ADPRHL1: variants seen among roughly 807,000 people sequenced by gnomAD.
The protein encoded by ADPRHL1 is inactive ADP-ribosyltransferase ARH2.
A neutral mutation model predicts 44.1 loss-of-function variants in ADPRHL1; 43 were observed. The ratio of observed to expected loss-of-function variants is 0.98; its 90% confidence interval spans 0.76 to 1.26. The LOEUF (loss-of-function observed/expected upper bound fraction) is 1.26, where lower values mean the gene tolerates loss of function less well. Among genes scored for constraint, ADPRHL1 ranks in the 50% most tolerant of loss-of-function variants. The probability of loss-of-function intolerance (pLI) is 0.00; values close to 1 mark genes in which losing one functional copy is unlikely to be tolerated. For synonymous variants in ADPRHL1, 878 were observed against 1,017.4 expected, an observed-to-expected ratio of 0.86 and a Z score of 2.61; for missense variants, 2,022 against 2,496.9, an observed-to-expected ratio of 0.81 and a Z score of 4.05.
At position 113,406,349 on chromosome 13, in the gene ADPRHL1, C is replaced by T; in HGVS notation, c.2933G>A (p.Arg978Lys). The T allele has an allele frequency of 8.1e-7, 1 of 1,232,110 alleles. No homozygotes were observed. The highest frequency in any genetic ancestry group is 1.0e-6 in the Non-Finnish European group (1 of 987,982). The allele number at this position is 1,232,110 out of a possible 1,614,324, so 76.3% of individuals were successfully genotyped here. A position where few individuals can be genotyped will look rare whatever the true frequency, so the allele number is the denominator to read the frequency against. ...PRNPDDISGE[R>K]TSELRDVKHP... ...CTTCACATCTCTGAGCTCAGAGGTC[C>T]TCTCTCCTGAAATATCGTCAGGATT... The change falls in exon 8 of 8, where the codon AGG (arginine) becomes AAG (lysine). Residue 978 changes from arginine (R) to lysine (K), a missense_variant. Physicochemically the swap from Arg to Lys is conservative, Grantham distance 26. Transcript: ENST00000612156.
chr13:113,412,410 C>G (rs1204280346), intron 7 of ADPRHL1, among the ~76,000 whole-genome samples: 3 of 152,214 alleles, frequency 2.0e-5, no homozygotes, highest in Non-Finnish European at 4.4e-5. Flanking sequence ...GATCTCCTGA[C>G]CTCGTGATCC....
chr13:113,448,964 G>T, intron 1 of ADPRHL1: 1 of 985,688 alleles, frequency 1.0e-6, no homozygotes, highest in Non-Finnish European at 1.2e-6. Flanking sequence ...CTCTGTGCGA[G>T]GCCGCCCCTC....
At chr13:113,415,770 A>AAG (rs1555325969) in intron 7 of ADPRHL1, among the ~76,000 whole-genome samples, 1,423 of 132,420 alleles carry the variant, frequency 0.011, 30 homozygotes, top group Middle Eastern at 0.016. Flanking sequence ...AAAAAAAAAA[A>AAG]AGAGAGAGAG....
chr13:113,419,064 T>TCCCTCCC (rs1413574035), intron 7 of ADPRHL1, among the ~76,000 whole-genome samples: 6 of 16,650 alleles, frequency 3.6e-4, no homozygotes, highest in African/African-American at 7.8e-4. Flanking sequence ...TTCTCCTTCC[T>TCCCTCCC]TCACTCCCTC....
At chr13:113,452,693 T>G (rs777843498) in intron 1 of ADPRHL1, among the ~76,000 whole-genome samples, 2 of 152,262 alleles carry the variant, frequency 1.3e-5, no homozygotes, top group Non-Finnish European at 2.9e-5. Flanking sequence ...CTCTCCAAGC[T>G]GAACCATTTT....
rs2139618773 is a variant in ADPRHL1, at chr13:113,424,236, G to A, written c.888C>T (p.His296=). ...AAGNSWTELC[H]RAMFHGGESA... The stretch of plus-strand genomic sequence containing the variant: ...TCTCACCTCCATGAAACATGGCCCG[G>A]TGACACAGCTCAGTCCAGCTGTTTC... Residue 296 remains histidine, a synonymous_variant, in exon 6 of 8, where the codon CAC becomes CAT. Transcript: ENST00000612156. 1 of 1,612,862 alleles carries A rather than the reference G, an allele frequency of 6.2e-7. No individual in the cohort carries two copies. Among genetic ancestry groups the A allele is most frequent in the Non-Finnish European group, 8.5e-7 (1 of 1,179,856 alleles).
Position 113,402,153 on chromosome 13 carries a change from G to A in ADPRHL1, c.*1225C>T, listed in dbSNP as rs7999901. 23,613 of 152,250 alleles carry A rather than the reference G, an allele frequency of 0.16. 2,539 individuals are homozygous for A. The highest frequency in any genetic ancestry group is 0.3 in the African/African-American group (12,614 of 41,502). 9.4% of individuals were successfully genotyped at this position (152,250 alleles called of 1,614,324 possible). ...GGGCTGTAGGGCGACAGGCTGCATC[G>A]GTTCACGCTGAAAATCCAGCTGCTC... On this transcript the variant is annotated 3_prime_UTR_variant, in exon 8 of 8. Coordinates refer to ENST00000612156, the MANE Select transcript of ADPRHL1 (RefSeq NM_001394807.1).
In ADPRHL1 at chr13:113,408,150, T is replaced by C; in HGVS notation, c.1132A>G (p.Lys378Glu). The C allele has an allele frequency of 8.1e-7, 1 of 1,232,044 alleles. No individual in the cohort carries two copies. The highest frequency in any genetic ancestry group is 1.0e-6 in the Non-Finnish European group (1 of 987,982). The allele number at this position is 1,232,044 out of a possible 1,614,324, so 76.3% of individuals were successfully genotyped here. A position where few individuals can be genotyped will look rare whatever the true frequency, so the allele number is the denominator to read the frequency against. Residue 378 changes from lysine to glutamate, a missense_variant, in exon 8 of 8, where the codon AAG becomes GAG. This residue lies in a region of ADPRHL1 where 1,221 missense variants were observed against 1,517.8 expected (regional missense o/e 0.80). Coordinates refer to ENST00000612156, the MANE Select transcript of ADPRHL1 (RefSeq NM_001394807.1). ...TGGGCGGCCGGGTCACAGGCCAGCT[T>C]GCCCATCTTCTTCTTCAGGGTTTGG... ...DAQTLKKKMG[K>E]LACDPAAHSI... is the part of the protein sequence containing the mutation.
chr13:113,405,667 A>AT lies in ADPRHL1; in HGVS notation c.3614_3615insA (p.Ala1206CysfsTer62). On this transcript the variant is annotated frameshift_variant, in exon 8 of 8. Coordinates refer to ENST00000612156, the MANE Select transcript of ADPRHL1 (RefSeq NM_001394807.1). LOFTEE classifies it low-confidence loss of function (END_TRUNC). Reference sequence around the variant, plus strand: ...CCTCCGGGTGGCGGGCGAGGGTCGCAATGTCCTCTGGGTGCTGGACGAGGG... The same window carrying AT: ...CCTCCGGGTGGCGGGCGAGGGTCGCATATGTCCTCTGGGTGCTGGACGAGGG... 8.1e-7 allele frequency: 1 copy of AT among 1,232,846 alleles called. No individual in the cohort carries two copies. Among genetic ancestry groups the AT allele is most frequent in the South Asian group, 4.1e-5 (1 of 24,358 alleles). The allele number at this position is 1,232,846 out of a possible 1,614,324, so 76.4% of individuals were successfully genotyped here.
intron 4 of ADPRHL1, among the ~76,000 whole-genome samples, chr13:113,427,455 C>T (rs2043975384): frequency 6.6e-6 from 1 of 152,240 alleles, no homozygotes. Context: ...CCTCGAACTC[C>T]TGACCTCAGG....
chr13:113,408,070 C>T lies in ADPRHL1; in HGVS notation c.1212G>A (p.Pro404=), dbSNP rs553441240. 31 of 1,232,034 alleles carry T rather than the reference C, an allele frequency of 2.5e-5. No individual in the cohort carries two copies. The highest frequency in any genetic ancestry group is 7.7e-5 in the African/African-American group (5 of 64,550). 76.3% of individuals were successfully genotyped at this position (1,232,034 alleles called of 1,614,324 possible). The change falls in exon 8 of 8, where the codon CCG becomes CCA. Residue 404 remains proline (P), a synonymous_variant. Coordinates refer to ENST00000612156, the MANE Select transcript of ADPRHL1 (RefSeq NM_001394807.1). ...LYVTGRADRP[P]GTEAGGSRPS... is the part of the protein sequence containing the mutation. Reference sequence around the variant, plus strand: ...GCCTGCTCCCCCCGGCCTCTGTCCCCGGGGGCCGGTCTGCGCGGCCCGTGA... The same window carrying T: ...GCCTGCTCCCCCCGGCCTCTGTCCCTGGGGGCCGGTCTGCGCGGCCCGTGA...
chr13:113,437,155 C>T (rs1286912583), intron 2 of ADPRHL1, among the ~76,000 whole-genome samples: 1 of 146,898 alleles, frequency 6.8e-6, no homozygotes, highest in Non-Finnish European at 1.5e-5. Context: ...ACCCCGGGAC[C>T]CAGCACCCAC....
chr13:113,405,794 T>C lies in ADPRHL1; in HGVS notation c.3488A>G (p.Glu1163Gly). The change falls in exon 8 of 8, where the codon GAG becomes GGG. Residue 1163 changes from glutamate (E) to glycine (G), a missense_variant. Around this residue, in one of 8 missense-constraint regions of ADPRHL1, gnomAD observed 1,221 missense variants for 1,517.8 expected, o/e 0.80. Transcript: ENST00000612156. ...GCTGTGAGGGTCTCGAGGGAGAGCC[T>C]CTCCTCTGGGGTGGCTTTCGGACAA... Reference protein sequence around the residue: ...RALSESHPRGEALPRDPHSHG... With the variant: ...RALSESHPRGGALPRDPHSHG... 1 of 1,231,740 alleles carries C rather than the reference T, an allele frequency of 8.1e-7. No individual in the cohort carries two copies. The highest frequency in any genetic ancestry group is 1.0e-6 in the Non-Finnish European group (1 of 987,994). 76.3% of individuals were successfully genotyped at this position (1,231,740 alleles called of 1,614,324 possible).
intron 1 of ADPRHL1, chr13:113,449,320 A>C: frequency 3.1e-6 from 2 of 648,280 alleles, no homozygotes; most frequent in Non-Finnish European, 3.8e-6. Flanking sequence ...CCCCGGTCAG[A>C]GAGGCTCACC....
At chr13:113,421,032 C>G (rs1359313200) in intron 7 of ADPRHL1, among the ~76,000 whole-genome samples, 1 of 143,752 alleles carries the variant, frequency 7.0e-6, no homozygotes. Flanking sequence ...ACCCCTACCC[C>G]CCGCCAACAT....
Position 113,404,670 on chromosome 13 carries a change from T to C in ADPRHL1, c.4612A>G (p.Lys1538Glu). 1 of 1,300,160 alleles carries C rather than the reference T, an allele frequency of 7.7e-7. No individual in the cohort carries two copies. 80.5% of individuals were successfully genotyped at this position (1,300,160 alleles called of 1,614,324 possible). The change falls in exon 8 of 8, where the codon AAA becomes GAA. Residue 1538 changes from lysine (K) to glutamate (E), a missense_variant. Lys to Glu is a moderately conservative substitution (Grantham distance 56). Coordinates refer to ENST00000612156, the MANE Select transcript of ADPRHL1 (RefSeq NM_001394807.1). ...TQGHSQGQAQ[K>E]QFQNWAQGQA... ...CCCTGGGCCCAATTCTGAAACTGTTTCTGGGCCTGTCCCTGACTGTGTCCC... is the reference window on the plus strand; with the variant it reads ...CCCTGGGCCCAATTCTGAAACTGTTCCTGGGCCTGTCCCTGACTGTGTCCC...
chr13:113,434,671 C>T (rs540429421), intron 2 of ADPRHL1, among the ~76,000 whole-genome samples: 58 of 138,790 alleles, frequency 4.2e-4, no homozygotes, highest in African/African-American at 1.5e-3. Context: ...AGGTGTACCC[C>T]GGGACCCGGC....
chr13:113,434,594 C>T (rs1340347786), intron 2 of ADPRHL1, among the ~76,000 whole-genome samples: 2 of 144,190 alleles, frequency 1.4e-5, no homozygotes, highest in African/African-American at 5.2e-5. Flanking sequence ...CCCCGGGACC[C>T]GGCACCCAGG....
At position 113,400,268 on chromosome 13, in the gene ADPRHL1, C is replaced by T. The variant is rs1162269463; in HGVS notation, c.*3110G>A. ...TCACGCCATTCTCCTGTCTCAGGCT[C>T]CCGAGTAGCTGGGACTACAGGCACC... On this transcript the variant is annotated 3_prime_UTR_variant, in exon 8 of 8. Coordinates refer to ENST00000612156, the MANE Select transcript of ADPRHL1 (RefSeq NM_001394807.1). 1 of 149,564 alleles carries T rather than the reference C, an allele frequency of 6.7e-6. No homozygotes were observed. The highest frequency in any genetic ancestry group is 2.5e-5 in the African/African-American group (1 of 40,774). The allele number at this position is 149,564 out of a possible 1,614,324, so 9.3% of individuals were successfully genotyped here.
Sources: gnomAD v4.1 joint callset for allele counts (sites outside exome capture counted in the v4.1 genomes callset) on GRCh38, gnomAD v4.1.1 for gene constraint, gnomAD v4.1.1 regional missense constraint, MANE v1.5 for transcripts, NCBI Gene and HGNC (gene_info 2026-07-23, HGNC 2026-07-21) for gene names.